CTNNA3: variants seen among roughly 807,000 people sequenced by gnomAD.
CTNNA3 encodes the protein catenin alpha-3.
CTNNA3 carries 76 observed loss-of-function variants against 95.7 expected under a neutral mutation model. The ratio of observed to expected loss-of-function variants is 0.79; its 90% CI spans 0.66 to 0.96. The LOEUF (loss-of-function observed/expected upper bound fraction) is 0.96. Ranked by LOEUF, CTNNA3 falls within the 40% of genes least tolerant of loss-of-function variation. The probability of loss-of-function intolerance (pLI) is 0.00; values close to 1 mark genes in which losing one functional copy is unlikely to be tolerated. For missense variants in CTNNA3, 1,191 were observed against 1,089.8 expected (o/e 1.09, Z -1.31); for synonymous variants, 431 against 374.4 (o/e 1.15, Z -1.74).
chr10:66,169,200 C>G (rs559596325), intron 13 of CTNNA3, among the ~76,000 whole-genome samples: 16 of 152,190 alleles, frequency 1.1e-4, no homozygotes, highest in Non-Finnish European at 1.6e-4. Flanking sequence ...CCCCCAAGTC[C>G]CCAAAGTCTA....
At chr10:67,069,957 A>G (rs1368513563) in intron 7 of CTNNA3, among the ~76,000 whole-genome samples, 1 of 152,190 alleles carries the variant, frequency 6.6e-6, no homozygotes, top group Admixed American at 6.5e-5. Flanking sequence ...GTCATGGGAT[A>G]TGCATTGTAG....
At chr10:67,351,448 C>T (rs1053444348) in intron 5 of CTNNA3, among the ~76,000 whole-genome samples, 3 of 151,720 alleles carry the variant, frequency 2.0e-5, no homozygotes, top group South Asian at 4.1e-4. Context: ...TTATAAACCA[C>T]GAAACATTTC....
At position 67,735,146 on chromosome 10, in the gene CTNNA3, A is replaced by ACACACAC. The variant is rs1564843090; in HGVS notation, c.-2+28287_-2+28288insGTGTGTG. On this transcript the variant is annotated intron_variant, in intron 1 of 17. Transcript: ENST00000684154. ...AAGTGAGCACACACACACACACACA[A>ACACACAC]ACACACACACACACACACACACACA... Among the ~76,000 whole-genome samples the ACACACAC allele has an allele frequency of 7.8e-4, 67 of 85,874 alleles. 2 individuals are homozygous for ACACACAC. The highest frequency in any genetic ancestry group is 1.9e-3 in the African/African-American group (32 of 16,658). 56.3% of individuals were successfully genotyped at this position (85,874 alleles called of 152,430 possible). A position where few individuals can be genotyped will look rare whatever the true frequency, so the allele number is the denominator to read the frequency against.
intron 7 of CTNNA3, among the ~76,000 whole-genome samples, chr10:67,086,893 A>G (rs1857343124): frequency 6.6e-6 from 1 of 151,992 alleles, no homozygotes; most frequent in African/African-American, 2.4e-5. Flanking sequence ...ACATTAACTG[A>G]TGTAGTGTTA....
At chr10:66,635,989 A>ACT (rs1404673191) in intron 9 of CTNNA3, among the ~76,000 whole-genome samples, 1 of 100,012 alleles carries the variant, frequency 1.0e-5, no homozygotes, top group African/African-American at 4.4e-5. Context: ...TTGGAAGAAC[A>ACT]CTGTGTGTGT....
chr10:66,012,483 C>G (rs1330792666), intron 15 of CTNNA3, among the ~76,000 whole-genome samples: 2 of 152,150 alleles, frequency 1.3e-5, no homozygotes, highest in African/African-American at 4.8e-5. Flanking sequence ...GAGCTAATTT[C>G]TCTCTTCAAT....
intron 15 of CTNNA3, among the ~76,000 whole-genome samples, chr10:66,024,845 G>A (rs1160268924): frequency 6.6e-6 from 1 of 152,180 alleles, no homozygotes; most frequent in African/African-American, 2.4e-5. Context: ...GTGATACAGA[G>A]AGCAGAAAGC....
chr10:67,419,763 T>C (rs978299114), intron 5 of CTNNA3, among the ~76,000 whole-genome samples: 17 of 152,250 alleles, frequency 1.1e-4, no homozygotes, highest in Non-Finnish European at 2.9e-5. Context: ...ATTTATTCTT[T>C]TGTAAAAACA....
chr10:66,144,015 T>C (rs963959881), intron 13 of CTNNA3, among the ~76,000 whole-genome samples: 1 of 152,248 alleles, frequency 6.6e-6, no homozygotes, highest in African/African-American at 2.4e-5. Flanking sequence ...ATGGGACCTT[T>C]AAATACACAC....
At chr10:67,726,082 T>C (rs977873841) in intron 1 of CTNNA3, among the ~76,000 whole-genome samples, 272 of 121,290 alleles carry the variant, frequency 2.2e-3, no homozygotes, top group African/African-American at 8.2e-3. Context: ...ATTTAAATTA[T>C]ATATTATAAT....
chr10:67,560,185 T>A (rs1841448065), intron 3 of CTNNA3, among the ~76,000 whole-genome samples: 1 of 152,042 alleles, frequency 6.6e-6, no homozygotes, highest in African/African-American at 2.4e-5. Flanking sequence ...CACATAATTG[T>A]TAGATTCACC....
At chr10:67,550,548 A>G (rs1385873461) in intron 3 of CTNNA3, among the ~76,000 whole-genome samples, 2 of 151,972 alleles carry the variant, frequency 1.3e-5, no homozygotes, top group African/African-American at 4.8e-5. Flanking sequence ...TGAAATGAAG[A>G]AAGAATAAAG....
chr10:67,280,014 C>T (rs570596763), intron 5 of CTNNA3, among the ~76,000 whole-genome samples: 19 of 150,390 alleles, frequency 1.3e-4, no homozygotes, highest in Non-Finnish European at 2.4e-4. Flanking sequence ...AAATAATAGG[C>T]CTTACCATAG....
chr10:67,230,243 T>C (rs1320359302), intron 5 of CTNNA3, among the ~76,000 whole-genome samples: 1 of 152,142 alleles, frequency 6.6e-6, no homozygotes, highest in Non-Finnish European at 1.5e-5. Context: ...TTTCAACAAA[T>C]GGTGCTGGGA....
intron 12 of CTNNA3, among the ~76,000 whole-genome samples, chr10:66,298,990 CG>C (rs1564848482): frequency 6.6e-6 from 1 of 152,092 alleles, no homozygotes; most frequent in Non-Finnish European, 1.5e-5. Flanking sequence ...GAGATAAATG[CG>C]TATCTGATTG....
intron 3 of CTNNA3, among the ~76,000 whole-genome samples, chr10:67,564,155 A>G (rs1012499864): frequency 6.7e-6 from 1 of 149,896 alleles, no homozygotes; most frequent in Non-Finnish European, 1.5e-5. Context: ...ATATACCCAA[A>G]GGATCATAAA....
At position 66,902,070 on chromosome 10, in the gene CTNNA3, C is replaced by G. The variant is rs570977582; in HGVS notation, c.1048-126546G>C. 2.8e-3 allele frequency among the ~76,000 whole-genome samples: 430 copies of G among 152,200 alleles called. 13 individuals carry two copies. Among genetic ancestry groups the G allele is most frequent in the Admixed American group, 0.025 (386 of 15,282 alleles). On this transcript the variant is annotated intron_variant, in intron 7 of 17. Coordinates refer to ENST00000433211, the MANE Select transcript of CTNNA3 (RefSeq NM_013266.4). Reference sequence around the variant, plus strand: ...CAGAACTCTCCACCCCAAATCAACACAATATACATTCTTCTCAGCACCACA... The same window carrying G: ...CAGAACTCTCCACCCCAAATCAACAGAATATACATTCTTCTCAGCACCACA...
chr10:67,615,167 C>A (rs1313678840), intron 2 of CTNNA3, among the ~76,000 whole-genome samples: 1 of 152,094 alleles, frequency 6.6e-6, no homozygotes, highest in Non-Finnish European at 1.5e-5. Flanking sequence ...TAACCATAAC[C>A]TTTTTAAAAA....
At chr10:66,410,255 T>C (rs1003806810) in intron 11 of CTNNA3, among the ~76,000 whole-genome samples, 4 of 152,302 alleles carry the variant, frequency 2.6e-5, no homozygotes, top group South Asian at 4.1e-4. Flanking sequence ...AGAATAATTA[T>C]CTTTCAGGTG....
Sources: gnomAD v4.1 joint callset for allele counts (sites outside exome capture counted in the v4.1 genomes callset) on GRCh38, gnomAD v4.1.1 for gene constraint, MANE v1.5 for transcripts, NCBI Gene and HGNC (gene_info 2026-07-23, HGNC 2026-07-21) for gene names.